Variants in FOXP2 observed in about 807,000 individuals in gnomAD.
The protein encoded by FOXP2 is forkhead box protein P2.
A neutral mutation model predicts 115.8 loss-of-function variants in FOXP2; 12 were observed. That is an observed-to-expected ratio of 0.10 (90% confidence interval 0.07 to 0.17). The LOEUF (loss-of-function observed/expected upper bound fraction) is 0.17, where lower values mean the gene tolerates loss of function less well. Ranked by LOEUF, FOXP2 falls within the 10% of genes least tolerant of loss-of-function variation. FOXP2 has a pLI of 1.00. For missense variants in FOXP2, 629 were observed against 843.5 expected, an observed-to-expected ratio of 0.75 and a Z score of 3.15; for synonymous variants, 328 against 297.7, an observed-to-expected ratio of 1.10 and a Z score of -1.05.
chr7:114,215,778 A>G (rs958357343), intron 1 of FOXP2, among the ~76,000 whole-genome samples: 3 of 152,162 alleles, frequency 2.0e-5, no homozygotes, highest in Non-Finnish European at 2.9e-5. Flanking sequence ...AAATCTATAT[A>G]GATTTCTACC....
intron 2 of FOXP2, among the ~76,000 whole-genome samples, chr7:114,464,828 C>G (rs1277629995): frequency 6.6e-6 from 1 of 152,148 alleles, no homozygotes; most frequent in Non-Finnish European, 1.5e-5. Context: ...AAACAAAAAA[C>G]CTGTTTGTGA....
chr7:114,148,970 C>A (rs911194924), intron 1 of FOXP2, among the ~76,000 whole-genome samples: 23 of 152,258 alleles, frequency 1.5e-4, no homozygotes, highest in African/African-American at 5.3e-4. Context: ...CAAGTGTTCT[C>A]CGTCCCTACC....
chr7:114,326,840 C>T (rs1426541911), intron 2 of FOXP2, among the ~76,000 whole-genome samples: 1 of 152,096 alleles, frequency 6.6e-6, no homozygotes, highest in Non-Finnish European at 1.5e-5. Flanking sequence ...TAGCTTCCTA[C>T]TGAATAGGAT....
chr7:114,398,784 GCT>G (rs1316818886), intron 2 of FOXP2, among the ~76,000 whole-genome samples: 1 of 151,888 alleles, frequency 6.6e-6, no homozygotes, highest in Non-Finnish European at 1.5e-5. Context: ...GTCACATTAA[GCT>G]CTCTCAGCAA....
At chr7:114,537,246 T>C (rs1184581208) in intron 3 of FOXP2, among the ~76,000 whole-genome samples, 1 of 151,572 alleles carries the variant, frequency 6.6e-6, no homozygotes. Flanking sequence ...GTTAGTGTAT[T>C]ATCTTTACAT....
rs1668336 is a variant in FOXP2 at position 114,259,545 on chromosome 7, C to T, written c.-101-28474C>T. On this transcript the variant is annotated intron_variant, in intron 1 of 17. Coordinates refer to the FOXP2 transcript ENST00000634411. Reference sequence around the variant, plus strand: ...TATTAGCCGTTGTTTACAGAGTATACGACAGTTTTTGTGTTATATGATTTC... The same window carrying T: ...TATTAGCCGTTGTTTACAGAGTATATGACAGTTTTTGTGTTATATGATTTC... 3.1e-3 allele frequency among the ~76,000 whole-genome samples: 465 copies of T among 152,190 alleles called. 2 individuals carry two copies. Among genetic ancestry groups the T allele is most frequent in the African/African-American group, 0.011 (442 of 41,540 alleles).
At chr7:114,458,009 A>T (rs1795394586) in intron 2 of FOXP2, among the ~76,000 whole-genome samples, 1 of 152,202 alleles carries the variant, frequency 6.6e-6, no homozygotes, top group Non-Finnish European at 1.5e-5. Flanking sequence ...TTAAGATTTT[A>T]AAAATAAGTA....
intron 2 of FOXP2, among the ~76,000 whole-genome samples, chr7:114,490,560 T>C (rs990254780): frequency 2.0e-5 from 3 of 152,252 alleles, no homozygotes; most frequent in Admixed American, 6.5e-5. Context: ...AATGTGCAGG[T>C]TTGTTACATA....
intron 2 of FOXP2, among the ~76,000 whole-genome samples, chr7:114,288,461 T>C (rs535082352): frequency 6.1e-4 from 93 of 151,960 alleles, no homozygotes; most frequent in African/African-American, 2.2e-3. Context: ...CCTTTTATTA[T>C]GCTGGTCTTT....
At chr7:114,139,475 A>G (rs191172648) in intron 1 of FOXP2, among the ~76,000 whole-genome samples, 1 of 152,256 alleles carries the variant, frequency 6.6e-6, no homozygotes, top group East Asian at 1.9e-4. Context: ...TTAGATTGTA[A>G]TATGTAAATG....
At chr7:114,643,914 AAC>A (rs931021468) in intron 7 of FOXP2, among the ~76,000 whole-genome samples, 3 of 152,328 alleles carry the variant, frequency 2.0e-5, no homozygotes, top group South Asian at 4.1e-4. Context: ...TTTCCAAAGA[AAC>A]AGATATTTAA....
intron 1 of FOXP2, among the ~76,000 whole-genome samples, chr7:114,260,190 CTTTTTT>C (rs373335036): frequency 2.9e-5 from 4 of 136,816 alleles, no homozygotes; most frequent in African/African-American, 1.1e-4. Flanking sequence ...TGCGCCCAGC[CTTTTTT>C]TTTTTTTTTT....
chr7:114,219,927 C>T (rs1331286847), intron 1 of FOXP2, among the ~76,000 whole-genome samples: 1 of 151,620 alleles, frequency 6.6e-6, no homozygotes, highest in African/African-American at 2.4e-5. Context: ...AGTGCAGTGG[C>T]GCGATCTCGG....
intron 1 of FOXP2, among the ~76,000 whole-genome samples, chr7:114,119,980 T>G (rs1012359351): frequency 1.1e-4 from 17 of 152,278 alleles, no homozygotes; most frequent in Non-Finnish European, 2.5e-4. Flanking sequence ...CTACTTTGAA[T>G]AGTACATACC....
chr7:114,141,828 C>T (rs891481321), intron 1 of FOXP2, among the ~76,000 whole-genome samples: 4 of 152,108 alleles, frequency 2.6e-5, no homozygotes, highest in Admixed American at 1.3e-4. Context: ...TATAAAATAA[C>T]GGACTACTCT....
In FOXP2 at chr7:114,149,205, AT is replaced by A. The variant is rs887712668; in HGVS notation, c.-246-13730del. On this transcript the variant is annotated intron_variant, in intron 1 of 19. Transcript: ENST00000635638. ...TTTTTCTTATTGGAAAAAGTGTTCA[AT>A]TTTTTTTTCTAGCCATGTAGAACTT... Among the ~76,000 whole-genome samples the A allele has an allele frequency of 3.3e-4, 50 of 151,406 alleles. 1 individual carries two copies. The highest frequency in any genetic ancestry group is 1.1e-3 in the African/African-American group (45 of 41,290).
intron 1 of FOXP2, among the ~76,000 whole-genome samples, chr7:114,199,835 T>G (rs1044080789): frequency 6.6e-6 from 1 of 152,096 alleles, no homozygotes; most frequent in Non-Finnish European, 1.5e-5. Flanking sequence ...CCACAGGAGA[T>G]TGCAGGAATT....
chr7:114,118,883 A>G (rs1791482958), intron 1 of FOXP2, among the ~76,000 whole-genome samples: 1 of 152,138 alleles, frequency 6.6e-6, no homozygotes, highest in African/African-American at 2.4e-5. Flanking sequence ...GAGGCTTTCC[A>G]GAGGAGAACC....
chr7:114,272,601 G>A (rs1487748385), intron 1 of FOXP2, among the ~76,000 whole-genome samples: 1 of 151,736 alleles, frequency 6.6e-6, no homozygotes, highest in Non-Finnish European at 1.5e-5. Flanking sequence ...TCTTATATGA[G>A]TTTTGGCAGC....
Sources: gnomAD v4.1 joint callset for allele counts (sites outside exome capture counted in the v4.1 genomes callset) on GRCh38, gnomAD v4.1.1 for gene constraint, MANE v1.5 for transcripts, NCBI Gene and HGNC (gene_info 2026-07-23, HGNC 2026-07-21) for gene names.